GABBR2: variants seen among roughly 807,000 people sequenced by gnomAD.
GABBR2 encodes gamma-aminobutyric acid type B receptor subunit 2.
GABBR2 carries 23 observed loss-of-function variants against 105.6 expected under a neutral mutation model. The ratio of observed to expected loss-of-function variants is 0.22; its 90% confidence interval spans 0.16 to 0.31. GABBR2 has a LOEUF of 0.31. Among genes scored for constraint, GABBR2 ranks in the 10% least tolerant of loss-of-function variants. The probability of loss-of-function intolerance (pLI) is 1.00; values close to 1 mark genes in which losing one functional copy is unlikely to be tolerated. For synonymous variants in GABBR2, 478 were observed against 499.7 expected, an observed-to-expected ratio of 0.96 and a Z score of 0.58; for missense variants, 734 against 1,245.5, an observed-to-expected ratio of 0.59 and a Z score of 6.18.
chr9:98,506,724 A>T (rs1827519567), intron 3 of GABBR2, among the ~76,000 whole-genome samples: 1 of 152,208 alleles, frequency 6.6e-6, no homozygotes, highest in Non-Finnish European at 1.5e-5. Context: ...ACAATGGCAG[A>T]GAGTGTCAGG....
chr9:98,622,430 T>C (rs1342589104), intron 1 of GABBR2, among the ~76,000 whole-genome samples: 2 of 152,140 alleles, frequency 1.3e-5, no homozygotes, highest in Non-Finnish European at 2.9e-5. Context: ...CCTCCCAAAG[T>C]GCTAACGCCC....
chr9:98,484,623 A>C (rs902116575), intron 4 of GABBR2, among the ~76,000 whole-genome samples: 1 of 152,096 alleles, frequency 6.6e-6, no homozygotes, highest in Non-Finnish European at 1.5e-5. Flanking sequence ...AAACAGTTTG[A>C]GGTGCTTCTC....
chr9:98,632,565 A>G (rs964314653), intron 1 of GABBR2, among the ~76,000 whole-genome samples: 1 of 152,226 alleles, frequency 6.6e-6, no homozygotes, highest in Non-Finnish European at 1.5e-5. Flanking sequence ...AAGTCTGTGC[A>G]GCTGCTTCCT....
chr9:98,621,355 G>A (rs1043074288), intron 1 of GABBR2, among the ~76,000 whole-genome samples: 1 of 152,150 alleles, frequency 6.6e-6, no homozygotes, highest in Non-Finnish European at 1.5e-5. Flanking sequence ...CATCCACATC[G>A]TGTGGTTCTC....
intron 1 of GABBR2, among the ~76,000 whole-genome samples, chr9:98,654,806 C>CTTT: frequency 6.6e-6 from 1 of 152,256 alleles, no homozygotes; most frequent in East Asian, 1.9e-4. Context: ...CGGATATTTA[C>CTTT]AGCAACTTTA....
At chr9:98,466,372 G>A (rs947983014) in intron 6 of GABBR2, among the ~76,000 whole-genome samples, 3 of 152,226 alleles carry the variant, frequency 2.0e-5, no homozygotes, top group Non-Finnish European at 2.9e-5. Context: ...GGCAGTTTCT[G>A]AATTGCTACA....
chr9:98,342,384 A>G (rs761053780), intron 13 of GABBR2, among the ~76,000 whole-genome samples: 1 of 152,152 alleles, frequency 6.6e-6, no homozygotes, highest in Non-Finnish European at 1.5e-5. Context: ...AGATAAGGCT[A>G]GGGAGGCGAG....
chr9:98,591,096 G>A (rs946051063), intron 1 of GABBR2, among the ~76,000 whole-genome samples: 2 of 152,198 alleles, frequency 1.3e-5, no homozygotes, highest in African/African-American at 4.8e-5. Context: ...GGGAGCAATG[G>A]CAGAGACAAA....
At chr9:98,587,528 G>A (rs970728696) in intron 1 of GABBR2, among the ~76,000 whole-genome samples, 2 of 152,222 alleles carry the variant, frequency 1.3e-5, no homozygotes, top group African/African-American at 4.8e-5. Flanking sequence ...CTCAGGAATG[G>A]AGGAGGACTT....
At chr9:98,651,568 A>C (rs1401942670) in intron 1 of GABBR2, among the ~76,000 whole-genome samples, 1 of 152,166 alleles carries the variant, frequency 6.6e-6, no homozygotes, top group Non-Finnish European at 1.5e-5. Flanking sequence ...CAGAGTAGCT[A>C]GAATTACAAA....
rs531944182 is a variant in GABBR2, at chr9:98,310,144, A to G, written c.2004+951T>C. On this transcript the variant is annotated intron_variant, in intron 14 of 18. Transcript: ENST00000259455. ...AGTGGAAGCATGGTTTATATAGGATATAGGAGAGAAGATTCAAGGATCAAC... is the reference window on the plus strand; with the variant it reads ...AGTGGAAGCATGGTTTATATAGGATGTAGGAGAGAAGATTCAAGGATCAAC... Among the ~76,000 whole-genome samples the G allele has an allele frequency of 3.9e-5, 6 of 152,310 alleles. No individual in the cohort carries two copies. In the South Asian group the frequency reaches 8.3e-4, roughly 21 times the overall value.
At chr9:98,537,628 G>A (rs10986631) in intron 3 of GABBR2, among the ~76,000 whole-genome samples, 14,170 of 151,880 alleles carry the variant, frequency 0.093, 821 homozygotes, top group South Asian at 0.15. Context: ...GTAGAGACAG[G>A]GCTTTGTCAT....
intron 1 of GABBR2, among the ~76,000 whole-genome samples, chr9:98,683,217 C>T (rs975586883): frequency 6.6e-6 from 1 of 152,234 alleles, no homozygotes; most frequent in African/African-American, 2.4e-5. Context: ...TCTCAACCTC[C>T]CAAGTACCTG....
intron 1 of GABBR2, among the ~76,000 whole-genome samples, chr9:98,634,193 C>T (rs1227584049): frequency 1.3e-5 from 2 of 152,214 alleles, no homozygotes; most frequent in East Asian, 1.9e-4. Flanking sequence ...CCCCACCCGA[C>T]TTTGGGCCCT....
intron 5 of GABBR2, among the ~76,000 whole-genome samples, chr9:98,478,513 A>G (rs1017711257): frequency 6.6e-6 from 1 of 152,202 alleles, no homozygotes; most frequent in African/African-American, 2.4e-5. Context: ...CAGCAAGTGA[A>G]GACTCTAAGA....
At chr9:98,415,652 C>T (rs1013372993) in intron 7 of GABBR2, among the ~76,000 whole-genome samples, 5 of 152,106 alleles carry the variant, frequency 3.3e-5, no homozygotes, top group Non-Finnish European at 1.5e-5. Context: ...AGATTTTTTT[C>T]CCCTGGGGTT....
intron 13 of GABBR2, among the ~76,000 whole-genome samples, chr9:98,332,862 T>C (rs1386094361): frequency 6.6e-6 from 1 of 152,254 alleles, no homozygotes; most frequent in African/African-American, 2.4e-5. Context: ...CTTCTGTGTC[T>C]GAATCGTGGA....
chr9:98,688,394 C>CAT (rs34589145), intron 1 of GABBR2, among the ~76,000 whole-genome samples: 100,869 of 140,434 alleles, frequency 0.72, 37,825 homozygotes, highest in Non-Finnish European at 0.8. Flanking sequence ...TATGTGGTTT[C>CAT]ATATATATAT....
At chr9:98,417,814 C>G (rs1360142617) in intron 7 of GABBR2, among the ~76,000 whole-genome samples, 1 of 152,160 alleles carries the variant, frequency 6.6e-6, no homozygotes, top group African/African-American at 2.4e-5. Flanking sequence ...AAAGGAAGGG[C>G]ACCTCTCTTT....
Sources: allele counts gnomAD v4.1 joint callset (sites outside exome capture counted in the v4.1 genomes callset), GRCh38; gene constraint gnomAD v4.1.1; transcripts MANE v1.5; gene names NCBI Gene and HGNC (gene_info 2026-07-23, HGNC 2026-07-21).